Variants in CARMIL1 observed in about 807,000 individuals in gnomAD.
CARMIL1 encodes capping protein regulator and myosin 1 linker 1.
Under a neutral mutation model 177.1 loss-of-function variants are expected in CARMIL1, and 90 were observed. The ratio of observed to expected loss-of-function variants is 0.51; its 90% CI spans 0.43 to 0.61. The LOEUF is 0.61. Ranked by LOEUF, CARMIL1 falls within the 20% of genes least tolerant of loss-of-function variation. The probability of loss-of-function intolerance (pLI) is 0.00; values close to 1 mark genes in which losing one functional copy is unlikely to be tolerated. For missense variants in CARMIL1, 1,380 were observed against 1,667.0 expected, an observed-to-expected ratio of 0.83 and a Z score of 3.00; for synonymous variants, 577 against 606.2, an observed-to-expected ratio of 0.95 and a Z score of 0.71.
chr6:25,557,157 A>G (rs1359138292), intron 29 of CARMIL1, among the ~76,000 whole-genome samples: 1 of 152,208 alleles, frequency 6.6e-6, no homozygotes, highest in Non-Finnish European at 1.5e-5. Flanking sequence ...ATAAGCCATT[A>G]AAAATGTGGA....
intron 2 of CARMIL1, among the ~76,000 whole-genome samples, chr6:25,308,569 G>A (rs1402683167): frequency 2.6e-5 from 4 of 151,962 alleles, no homozygotes; most frequent in African/African-American, 9.7e-5. Context: ...TTTTCATAGA[G>A]ATGGGGTTTC....
intron 21 of CARMIL1, among the ~76,000 whole-genome samples, chr6:25,516,864 C>G (rs1806053959): frequency 1.3e-5 from 2 of 152,250 alleles, no homozygotes; most frequent in East Asian, 3.9e-4. Context: ...AATGAAAACA[C>G]AAGGAACTAT....
chr6:25,436,726 C>G (rs926773946), intron 5 of CARMIL1, among the ~76,000 whole-genome samples: 1 of 152,180 alleles, frequency 6.6e-6, no homozygotes, highest in African/African-American at 2.4e-5. Context: ...TTGCCCTGTG[C>G]TTGCTGGTTG....
At chr6:25,469,000 A>G (rs748503476) in intron 9 of CARMIL1, among the ~76,000 whole-genome samples, 4 of 152,228 alleles carry the variant, frequency 2.6e-5, no homozygotes, top group African/African-American at 4.8e-5. Context: ...TCATGACAAC[A>G]CAGAATAAGA....
rs113954435 is a variant in CARMIL1 at position 25,591,576 on chromosome 6, G to A, written c.3007-2839G>A. Among the ~76,000 whole-genome samples the A allele has an allele frequency of 3.0e-3, 456 of 152,304 alleles. 3 individuals carry two copies. Among genetic ancestry groups the A allele is most frequent in the African/African-American group, 9.6e-3 (400 of 41,570 alleles). ...TTTTGAGAACTTCTGATAACTGTTTGTCCTTTCCTTTGCTTTTGTTAGAAA... is the reference window on the plus strand; with the variant it reads ...TTTTGAGAACTTCTGATAACTGTTTATCCTTTCCTTTGCTTTTGTTAGAAA... On this transcript the variant is annotated intron_variant, in intron 31 of 36. Transcript: ENST00000329474.
intron 2 of CARMIL1, among the ~76,000 whole-genome samples, chr6:25,304,133 A>G (rs1378675245): frequency 6.6e-6 from 1 of 152,262 alleles, no homozygotes; most frequent in Admixed American, 6.5e-5. Flanking sequence ...GGGAGGGGAC[A>G]TCACAGAAAA....
intron 26 of CARMIL1, among the ~76,000 whole-genome samples, chr6:25,547,523 T>C (rs1809627188): frequency 6.6e-6 from 1 of 152,172 alleles, no homozygotes; most frequent in Admixed American, 6.5e-5. Flanking sequence ...CACTGAAGTT[T>C]AGTACAGAAA....
At chr6:25,408,675 C>T (rs916715845) in intron 2 of CARMIL1, among the ~76,000 whole-genome samples, 9 of 152,102 alleles carry the variant, frequency 5.9e-5, no homozygotes, top group African/African-American at 1.2e-4. Flanking sequence ...AGTTTCAAAG[C>T]CTAGTGCTCT....
At chr6:25,415,827 G>A (rs1410438) in intron 2 of CARMIL1, among the ~76,000 whole-genome samples, 63,706 of 151,914 alleles carry the variant, frequency 0.42, 13,582 homozygotes, top group Middle Eastern at 0.48. Context: ...AATAAATAAA[G>A]TAACAAGTTC....
At chr6:25,413,053 A>G (rs965262437) in intron 2 of CARMIL1, among the ~76,000 whole-genome samples, 1 of 152,152 alleles carries the variant, frequency 6.6e-6, no homozygotes. Flanking sequence ...ATTCTCCTTC[A>G]GTTTTCTGGG....
chr6:25,421,716 T>C (rs1348533397), intron 3 of CARMIL1, among the ~76,000 whole-genome samples: 1 of 150,378 alleles, frequency 6.6e-6, no homozygotes, highest in Non-Finnish European at 1.5e-5. Flanking sequence ...TCATGTCCTT[T>C]GTAGGGACAT....
intron 2 of CARMIL1, among the ~76,000 whole-genome samples, chr6:25,416,363 C>G (rs1161405069): frequency 6.6e-6 from 1 of 152,176 alleles, no homozygotes; most frequent in African/African-American, 2.4e-5. Context: ...CATCCAGGCT[C>G]AAATCCCAAC....
intron 24 of CARMIL1, among the ~76,000 whole-genome samples, chr6:25,530,094 C>T (rs903962942): frequency 1.3e-5 from 2 of 151,088 alleles, no homozygotes; most frequent in Admixed American, 1.3e-4. Flanking sequence ...ATATGAGTCT[C>T]GGGGTTGATA....
intron 2 of CARMIL1, among the ~76,000 whole-genome samples, chr6:25,342,568 GC>G (rs1204350964): frequency 6.6e-6 from 1 of 152,060 alleles, no homozygotes; most frequent in Non-Finnish European, 1.5e-5. Context: ...TATAGGAAGG[GC>G]TAAGTGTATG....
intron 3 of CARMIL1, among the ~76,000 whole-genome samples, chr6:25,422,603 A>G (rs1581887751): frequency 6.6e-6 from 1 of 152,342 alleles, no homozygotes; most frequent in East Asian, 1.9e-4. Context: ...AATTAGGTCA[A>G]TGAAGTTGGA....
intron 8 of CARMIL1, among the ~76,000 whole-genome samples, chr6:25,455,307 T>G (rs1437230095): frequency 6.6e-6 from 1 of 152,196 alleles, no homozygotes; most frequent in Non-Finnish European, 1.5e-5. Context: ...TATTTTTTCA[T>G]TCCACTTTTT....
In CARMIL1 at chr6:25,463,937, C is replaced by T. The variant is rs966718483; in HGVS notation, c.615-1936C>T. ...TCCCGGGTTCACGCCATTCTCCTGC[C>T]TCAGCCTCCCGAGTAGCTGGGACTA... On this transcript the variant is annotated intron_variant, in intron 8 of 36. Transcript: ENST00000329474. Among the ~76,000 whole-genome samples, 4 of 149,502 alleles carry T rather than the reference C, an allele frequency of 2.7e-5. No homozygotes were observed. In the Admixed American group the frequency reaches 2.7e-4, roughly 10 times the overall value.
chr6:25,616,785 C>T (rs903809958), intron 36 of CARMIL1, among the ~76,000 whole-genome samples: 1 of 152,148 alleles, frequency 6.6e-6, no homozygotes, highest in African/African-American at 2.4e-5. Context: ...CGACAAAGAA[C>T]GTTCGTCCTA....
chr6:25,281,768 C>T (rs1355274628), intron 1 of CARMIL1, among the ~76,000 whole-genome samples: 2 of 152,026 alleles, frequency 1.3e-5, no homozygotes, highest in Non-Finnish European at 1.5e-5. Context: ...GGCGACCGAC[C>T]ACATGAAAAC....
Sources: gnomAD v4.1 joint callset for allele counts (sites outside exome capture counted in the v4.1 genomes callset) on GRCh38, gnomAD v4.1.1 for gene constraint, MANE v1.5 for transcripts, NCBI Gene and HGNC (gene_info 2026-07-23, HGNC 2026-07-21) for gene names.